DDX54: variants seen among roughly 807,000 people sequenced by gnomAD.
DDX54 encodes the protein DEAD-box helicase 54.
Under a neutral mutation model 105.5 loss-of-function variants are expected in DDX54, and 67 were observed. The ratio of observed to expected loss-of-function variants is 0.64; its 90% CI spans 0.52 to 0.78. The LOEUF (loss-of-function observed/expected upper bound fraction) is 0.78, where lower values mean the gene tolerates loss of function less well. DDX54 is among the 30% of genes least tolerant of loss of function. The probability of loss-of-function intolerance (pLI) is 0.00; values close to 1 mark genes in which losing one functional copy is unlikely to be tolerated. For missense variants in DDX54, 1,206 were observed against 1,230.5 expected, an observed-to-expected ratio of 0.98 and a Z score of 0.30; for synonymous variants, 514 against 509.9, an observed-to-expected ratio of 1.01 and a Z score of -0.11.
In DDX54 at chr12:113,158,762, T is replaced by G; in HGVS notation, c.*115A>C. On this transcript the variant is annotated 3_prime_UTR_variant, in exon 20 of 20. Transcript: ENST00000306014. This position sits in a 1 kb window ranked among gnomAD's most constrained non-coding sequence, Gnocchi z 4.9. ...GCTCCTTTTCACAGATGATGGCTCC[T>G]GCAGGGAGTGCCCCCAGTGCCCAGC... 8.5e-7 allele frequency: 1 copy of G among 1,183,218 alleles called. No homozygotes were observed. Among genetic ancestry groups the G allele is most frequent in the Non-Finnish European group, 1.2e-6 (1 of 855,868 alleles). The allele number at this position is 1,183,218 out of a possible 1,614,324, so 73.3% of individuals were successfully genotyped here. A position where few individuals can be genotyped will look rare whatever the true frequency, so the allele number is the denominator to read the frequency against.
chr12:113,179,893 A>T (rs762936800), intron 3 of DDX54, 42 bp downstream of exon 3: 1 of 1,602,650 alleles, frequency 6.2e-7, no homozygotes. Context: ...GGGCCATGTC[A>T]CTCCTCCCTC....
intron 19 of DDX54, among the ~76,000 whole-genome samples, chr12:113,160,176 A>G (rs1211531196): frequency 6.6e-6 from 1 of 152,156 alleles, no homozygotes; most frequent in East Asian, 1.9e-4. Flanking sequence ...ACTCCCACAG[A>G]TGGGAGAGCT....
At position 113,170,022 on chromosome 12, in the gene DDX54, G is replaced by C. The variant is rs1417575251; in HGVS notation, c.1280-118C>G. The C allele has an allele frequency of 3.6e-6, 5 of 1,391,332 alleles. No individual in the cohort carries two copies. The African/African-American group carries it at 4.3e-5, about 12-fold the overall frequency. The allele number at this position is 1,391,332 out of a possible 1,614,324, so 86.2% of individuals were successfully genotyped here. ...GCCAAGCCTCGAACCTCACACGGCT[G>C]CTGTCCCCACCTACGCACAGGGAAG... On this transcript the variant is annotated intron_variant, in intron 11 of 19. Coordinates refer to ENST00000306014, the MANE Select transcript of DDX54 (RefSeq NM_024072.4).
rs369043021 is a variant in DDX54 at position 113,172,552 on chromosome 12, G to T, written c.1080C>A (p.Thr360=). Reference sequence around the variant, plus strand: ...AGATGTGGGCGCAGCTCACCCGCTGGGTCGTCAGCAGCTGCTCAGAGCAAA... The same window carrying T: ...AGATGTGGGCGCAGCTCACCCGCTGTGTCGTCAGCAGCTGCTCAGAGCAAA... ...HAEYLTELLT[T]QRVSCAHIYS... The change falls in exon 11 of 20, where the codon ACC becomes ACA. Residue 360 remains threonine, a synonymous_variant. Transcript: ENST00000306014. The T allele has an allele frequency of 3.7e-5, 59 of 1,614,144 alleles. 1 individual carries two copies. In the East Asian group the frequency reaches 4.7e-4, roughly 13 times the overall value.
intron 1 of DDX54, among the ~76,000 whole-genome samples, chr12:113,181,596 C>T (rs954037497): frequency 1.1e-4 from 17 of 151,460 alleles, no homozygotes; most frequent in African/African-American, 4.1e-4. Flanking sequence ...CAGGCATGAA[C>T]CACCACACCC....
rs778294676 is a variant in DDX54 at position 113,165,707 on chromosome 12, A to C, written c.1656T>G (p.Phe552Leu). The change falls in exon 14 of 20, where the codon TTT becomes TTG. Residue 552 changes from phenylalanine (F) to leucine (L), a missense_variant. Phe to Leu is a conservative substitution (Grantham distance 22). This residue lies in a region of DDX54 where 961 missense variants were observed against 1,019.1 expected (regional missense o/e 0.94). Coordinates refer to ENST00000306014, the MANE Select transcript of DDX54 (RefSeq NM_024072.4). Reference sequence around the variant, plus strand: ...TCAGCCGCTGCAGCTCCTCCTCCTCAAAACGCGAGCCTGGTAGGAAAGCAG... The same window carrying C: ...TCAGCCGCTGCAGCTCCTCCTCCTCCAAACGCGAGCCTGGTAGGAAAGCAG... ...LGLHPLFSSR[F>L]EEEELQRLRL... The C allele has an allele frequency of 1.9e-6, 3 of 1,613,504 alleles. No homozygotes were observed. The highest frequency in any genetic ancestry group is 4.5e-5 in the East Asian group (2 of 44,862).
chr12:113,158,889 C>T lies in DDX54; in HGVS notation c.2634G>A (p.Arg878=), dbSNP rs1371112029. 7 of 1,602,516 alleles carry T rather than the reference C, an allele frequency of 4.4e-6. No individual in the cohort carries two copies. Among genetic ancestry groups the T allele is most frequent in the Non-Finnish European group, 6.0e-6 (7 of 1,171,836 alleles). ...RGARSKKGKM[R]KRM is the part of the protein sequence containing the mutation. ...TGGGTCCTGGTCCTCACATCCTCTT[C>T]CGCATCTTGCCCTTCTTGGAGCGGG... Residue 878 remains arginine (R), a synonymous_variant, in exon 20 of 20, where the codon CGG becomes CGA. Transcript: ENST00000306014. The surrounding 1 kb of genome is among the most constrained non-coding windows in gnomAD (Gnocchi z 4.9).
At position 113,175,100 on chromosome 12, in the gene DDX54, C is replaced by T; in HGVS notation, c.810G>A (p.Gly270=). The part of the protein sequence containing the change: ...QLQEIIARLP[G]GHQTVLFSAT... ...CGGAGAACAGCACCGTCTGGTGGCC[C>T]CCGGGGAGGCGGGCGATGATCTCCT... Residue 270 remains glycine, a synonymous_variant, in exon 8 of 20, where the codon GGG becomes GGA. Transcript: ENST00000306014. 6.2e-7 allele frequency: 1 copy of T among 1,613,850 alleles called. No homozygotes were observed. The highest frequency in any genetic ancestry group is 1.1e-5 in the South Asian group (1 of 91,070).
chr12:113,175,013 A>G, intron 8 of DDX54, 23 bp downstream of exon 8: 1 of 1,534,996 alleles, frequency 6.5e-7, no homozygotes, highest in East Asian at 2.3e-5. Context: ...CCCAGCCCCC[A>G]TCTCCACCCC....
In DDX54 at chr12:113,163,315, C is replaced by T. The variant is rs201930928; in HGVS notation, c.1939-41G>A. The T allele has an allele frequency of 1.2e-4, 183 of 1,576,482 alleles. No individual in the cohort carries two copies. The East Asian group carries it at 3.8e-3, about 33-fold the overall frequency. ...CCAAGGCCCAGTGTCATGCCTGCTG[C>T]CCCCTGGGGACTTCCCCCTGCCTCC... On this transcript the variant is annotated intron_variant, in intron 15 of 19. Transcript: ENST00000306014. The surrounding 1 kb of genome is among the most constrained non-coding windows in gnomAD (Gnocchi z 5.9).
At position 113,172,373 on chromosome 12, in the gene DDX54, T is replaced by C. The variant is rs764766919; in HGVS notation, c.1259A>G (p.Lys420Arg). ...CTTACCCACGCGGTGCAGGAAGAGT[T>C]TGCCCTTGGCGGGGAAGCTGTAGTT... ...VINYSFPAKG[K>R]LFLHRVGRVA... is the part of the protein sequence containing the mutation. Residue 420 changes from lysine (K) to arginine (R), a missense_variant, in exon 11 of 20, where the codon AAA (lysine) becomes AGA (arginine). Transcript: ENST00000306014. 2.9e-5 allele frequency: 47 copies of C among 1,614,020 alleles called. No homozygotes were observed. In the East Asian group the frequency reaches 1.0e-3, roughly 36 times the overall value.
chr12:113,162,354 C>CG (rs2136313861), intron 17 of DDX54, among the ~76,000 whole-genome samples: 1 of 152,296 alleles, frequency 6.6e-6, no homozygotes, highest in Non-Finnish European at 1.5e-5. Context: ...GAGTCCTGAA[C>CG]GAATGGGTCC....
intron 12 of DDX54, among the ~76,000 whole-genome samples, chr12:113,168,160 G>A (rs1952297788): frequency 6.6e-6 from 1 of 152,246 alleles, no homozygotes; most frequent in Admixed American, 6.5e-5. Context: ...TATGGTGTCT[G>A]CTTTCCAGCC....
At position 113,174,651 on chromosome 12, in the gene DDX54, A is replaced by G; in HGVS notation, c.1057T>C (p.Tyr353His). The change falls in exon 10 of 20, where the codon TAC (tyrosine) becomes CAC (histidine). Residue 353 changes from tyrosine (Y) to histidine (H), a missense_variant. Around this residue, in one of 3 missense-constraint regions of DDX54, gnomAD observed 961 missense variants for 1,019.1 expected, o/e 0.94. Transcript: ENST00000306014. ...VFVATKHHAEYLTELLTTQRV... is the reference protein window; with the variant it reads ...VFVATKHHAEHLTELLTTQRV... ...AGGACCCTGCTCACCTCAGTGAGGT[A>G]CTCGGCGTGGTGCTTCGTGGCCACA... is the stretch of plus-strand genomic sequence containing the variant. The G allele has an allele frequency of 4.3e-6, 7 of 1,611,630 alleles. No individual in the cohort carries two copies. Among genetic ancestry groups the G allele is most frequent in the African/African-American group, 1.3e-5 (1 of 75,008 alleles).
chr12:113,174,811 T>TGGCCCA, intron 9 of DDX54, 40 bp from the exon 10 acceptor site: 1 of 1,614,200 alleles, frequency 6.2e-7, no homozygotes, highest in Non-Finnish European at 8.5e-7. Context: ...TACGGGGTCC[T>TGGCCCA]GGCCCAGGGC....
rs529620337 is a variant in DDX54, at chr12:113,161,529, G to A, written c.2301-147C>T. 4.5e-5 allele frequency: 28 copies of A among 617,440 alleles called. No homozygotes were observed. The African/African-American group carries it at 5.3e-4, about 12-fold the overall frequency. The allele number at this position is 617,440 out of a possible 1,614,324, so 38.2% of individuals were successfully genotyped here. A position where few individuals can be genotyped will look rare whatever the true frequency, so the allele number is the denominator to read the frequency against. On this transcript the variant is annotated intron_variant, in intron 18 of 19. Coordinates refer to ENST00000306014, the MANE Select transcript of DDX54 (RefSeq NM_024072.4). ...CCCCAGCACACAGGTCCCACTTATT[G>A]GAGATGCTGTTGCTGAAGCTGCTCG... is the stretch of plus-strand genomic sequence containing the variant.
Position 113,163,330 on chromosome 12 carries a change from C to T in DDX54, c.1939-56G>A. 1 of 1,560,658 alleles carries T rather than the reference C, an allele frequency of 6.4e-7. No individual in the cohort carries two copies. Among genetic ancestry groups the T allele is most frequent in the Non-Finnish European group, 8.7e-7 (1 of 1,154,054 alleles). On this transcript the variant is annotated intron_variant, in intron 15 of 19. Coordinates refer to ENST00000306014, the MANE Select transcript of DDX54 (RefSeq NM_024072.4). The surrounding 1 kb of genome is among the most constrained non-coding windows in gnomAD (Gnocchi z 5.9). ...ATGCCTGCTGCCCCCTGGGGACTTCCCCCTGCCTCCCTACCCACCAGCCTG... is the reference window on the plus strand; with the variant it reads ...ATGCCTGCTGCCCCCTGGGGACTTCTCCCTGCCTCCCTACCCACCAGCCTG...
At position 113,177,164 on chromosome 12, in the gene DDX54, C is replaced by T. The variant is rs1466711997; in HGVS notation, c.615-71G>A. ...GTTTCCCTTCCCATAACCAAATGTC[C>T]AGGCAAGGCTGCACACCCCATCCCC... On this transcript the variant is annotated intron_variant, in intron 5 of 19. Coordinates refer to ENST00000306014, the MANE Select transcript of DDX54 (RefSeq NM_024072.4). The T allele has an allele frequency of 1.9e-6, 3 of 1,571,834 alleles. No homozygotes were observed. The African/African-American group carries it at 4.0e-5, about 21-fold the overall frequency.
At position 113,185,388 on chromosome 12, in the gene DDX54, T is replaced by G; in HGVS notation, c.64A>C (p.Lys22Gln). 2 of 1,562,934 alleles carry G rather than the reference T, an allele frequency of 1.3e-6. No individual in the cohort carries two copies. Among genetic ancestry groups the G allele is most frequent in the Non-Finnish European group, 1.7e-6 (2 of 1,157,102 alleles). The change falls in exon 1 of 20, where the codon AAG becomes CAG. Residue 22 changes from lysine to glutamine, a missense_variant. Lys to Gln is a moderately conservative substitution (Grantham distance 53). Transcript: ENST00000306014. ...RSRAAMAQWR[K>Q]KKGLRKRRGA... is the part of the protein sequence containing the mutation. The stretch of plus-strand genomic sequence containing the variant: ...CGGCGCTTCCGGAGCCCTTTCTTCT[T>G]CCTCCACTGGGCCATGGCAGCTCGC...
Sources: allele counts gnomAD v4.1 joint callset (sites outside exome capture counted in the v4.1 genomes callset), GRCh38; gene constraint gnomAD v4.1.1; regional missense constraint gnomAD v4.1.1; non-coding constraint Gnocchi (gnomAD v3.1); transcripts MANE v1.5; gene names NCBI Gene and HGNC (gene_info 2026-07-23, HGNC 2026-07-21).